Variants in PYGO1 observed in about 807,000 individuals in gnomAD.
The protein encoded by PYGO1 is pygopus homolog 1.
In PYGO1, 6 loss-of-function variants were observed where a neutral mutation model predicts 29.5. That is an observed-to-expected ratio of 0.20 (90% confidence interval 0.11 to 0.40). The LOEUF (loss-of-function observed/expected upper bound fraction) is 0.40. Ranked by LOEUF, PYGO1 falls within the 10% of genes least tolerant of loss-of-function variation. The pLI, the probability that PYGO1 is intolerant of heterozygous loss-of-function variation, is 1.00. For missense variants in PYGO1, 515 were observed against 514.9 expected (o/e 1.00, Z 0.00); for synonymous variants, 186 against 180.5 (o/e 1.03, Z -0.24).
chr15:55,582,921 C>T lies in PYGO1; in HGVS notation c.49+4914G>A, dbSNP rs564090030. Among the ~76,000 whole-genome samples the T allele has an allele frequency of 7.9e-5, 12 of 152,222 alleles. 1 individual carries two copies. In the South Asian group the frequency reaches 2.3e-3, roughly 29 times the overall value. Reference sequence around the variant, plus strand: ...TCCAAATCCTCTATATTCATCCCATCGAGACAGTCTATATTTTCTTGTAAA... The same window carrying T: ...TCCAAATCCTCTATATTCATCCCATTGAGACAGTCTATATTTTCTTGTAAA... On this transcript the variant is annotated intron_variant, in intron 1 of 2. Transcript: ENST00000563719.
rs573785718 is a variant in PYGO1 at position 55,575,735 on chromosome 15, A to T, written c.49+12100T>A. The stretch of plus-strand genomic sequence containing the variant: ...AGTTTGTAGTATTTCCAACACTTGC[A>T]GAAACAGACTTCTGCACTCCTCAGA... On this transcript the variant is annotated intron_variant, in intron 1 of 2. Coordinates refer to ENST00000563719, the MANE Select transcript of PYGO1 (RefSeq NM_001367806.1). Among the ~76,000 whole-genome samples the T allele has an allele frequency of 2.0e-4, 31 of 152,312 alleles. 1 individual carries two copies. In the South Asian group the frequency reaches 6.4e-3, roughly 32 times the overall value.
rs573328672 is a variant in PYGO1 at position 55,585,830 on chromosome 15, G to A, written c.49+2005C>T. Among the ~76,000 whole-genome samples the A allele has an allele frequency of 5.3e-5, 8 of 152,232 alleles. No homozygotes were observed. The South Asian group carries it at 1.7e-3, about 32-fold the overall frequency. Reference sequence around the variant, plus strand: ...TTTAACCCCAAAACAATTTATAATAGTAGGCAAAATTATACAGCACAAATA... The same window carrying A: ...TTTAACCCCAAAACAATTTATAATAATAGGCAAAATTATACAGCACAAATA... On this transcript the variant is annotated intron_variant, in intron 1 of 2. Coordinates refer to ENST00000563719, the MANE Select transcript of PYGO1 (RefSeq NM_001367806.1).
At chr15:55,566,921 G>C (rs987099853) in intron 1 of PYGO1, among the ~76,000 whole-genome samples, 1 of 152,184 alleles carries the variant, frequency 6.6e-6, no homozygotes, top group East Asian at 1.9e-4. Flanking sequence ...GAGTAGAGAA[G>C]GGGTTTTGCC....
rs756985643 is a variant in PYGO1 at position 55,547,112 on chromosome 15, T to C, written c.171A>G (p.Pro57=). Residue 57 remains proline (P), a synonymous_variant, in exon 3 of 3, where the codon CCA becomes CCG. Transcript: ENST00000563719. ...GATGGTCAGAGTTTGGATTCGGTGG[T>C]GGAGCATACTCAGACAATGGAGGGA... is the stretch of plus-strand genomic sequence containing the variant. ...PSFPPLSEYA[P]PPNPNSDHLV... The C allele has an allele frequency of 1.9e-6, 3 of 1,609,672 alleles. No individual in the cohort carries two copies. In the Admixed American group the frequency reaches 5.0e-5, roughly 27 times the overall value.
Position 55,541,396 on chromosome 15 carries a change from GAA to G in PYGO1, c.*4625_*4626del, listed in dbSNP as rs2058827536. The G allele has an allele frequency of 6.6e-6, 1 of 152,172 alleles. No homozygotes were observed. Among genetic ancestry groups the G allele is most frequent in the African/African-American group, 2.4e-5 (1 of 41,442 alleles). The allele number at this position is 152,172 out of a possible 1,614,324, so 9.4% of individuals were successfully genotyped here. On this transcript the variant is annotated 3_prime_UTR_variant, in exon 3 of 3. Coordinates refer to ENST00000563719, the MANE Select transcript of PYGO1 (RefSeq NM_001367806.1). ...TCAGAATTAGAGGAGAGGAAGCTGT[GAA>G]AAGTCACAACAGCCTAAAGGAAACT...
rs574437265 is a variant in PYGO1, at chr15:55,565,625, G to C, written c.50-16630C>G. Among the ~76,000 whole-genome samples, 3 of 152,074 alleles carry C rather than the reference G, an allele frequency of 2.0e-5. No homozygotes were observed. In the South Asian group the frequency reaches 6.2e-4, roughly 32 times the overall value. Reference sequence around the variant, plus strand: ...AGCTACTCAGGAGGGTGAGGCATGAGAATCGCTTGAACCCGGGAGGCGGTG... The same window carrying C: ...AGCTACTCAGGAGGGTGAGGCATGACAATCGCTTGAACCCGGGAGGCGGTG... On this transcript the variant is annotated intron_variant, in intron 1 of 2. Coordinates refer to ENST00000563719, the MANE Select transcript of PYGO1 (RefSeq NM_001367806.1).
At chr15:55,549,186 T>G (rs1468120778) in intron 1 of PYGO1, among the ~76,000 whole-genome samples, 191 bp from the exon 2 acceptor site, 1 of 152,164 alleles carries the variant, frequency 6.6e-6, no homozygotes, top group East Asian at 1.9e-4. Flanking sequence ...CATTCATCCC[T>G]GCTCCCATAT....
At chr15:55,568,850 T>C (rs2058968541) in intron 1 of PYGO1, among the ~76,000 whole-genome samples, 1 of 152,230 alleles carries the variant, frequency 6.6e-6, no homozygotes, top group Admixed American at 6.5e-5. Flanking sequence ...AAGATGATTA[T>C]ATGATTTTTA....
At chr15:55,576,952 G>C (rs1351588375) in intron 1 of PYGO1, among the ~76,000 whole-genome samples, 2 of 151,616 alleles carry the variant, frequency 1.3e-5, no homozygotes, top group Non-Finnish European at 2.9e-5. Context: ...TGAGAACTAC[G>C]TAGCTAGGCA....
At chr15:55,551,861 A>G (rs2058880206) in intron 1 of PYGO1, among the ~76,000 whole-genome samples, 1 of 152,192 alleles carries the variant, frequency 6.6e-6, no homozygotes, top group Non-Finnish European at 1.5e-5. Flanking sequence ...AAACAAATGC[A>G]GCAGAATATT....
At chr15:55,553,436 G>A (rs1245637349) in intron 1 of PYGO1, among the ~76,000 whole-genome samples, 1 of 150,002 alleles carries the variant, frequency 6.7e-6, no homozygotes, top group Non-Finnish European at 1.5e-5. Context: ...TCGCTCTGTT[G>A]CCAGGCTGGA....
At chr15:55,559,787 C>G (rs2058924944) in intron 1 of PYGO1, among the ~76,000 whole-genome samples, 1 of 152,136 alleles carries the variant, frequency 6.6e-6, no homozygotes, top group South Asian at 2.1e-4. Context: ...TAAAAACCCT[C>G]AATAAAATAC....
intron 1 of PYGO1, among the ~76,000 whole-genome samples, chr15:55,577,006 T>TAAAA (rs5812805): frequency 2.0e-5 from 3 of 148,500 alleles, no homozygotes; most frequent in East Asian, 2.0e-4. Flanking sequence ...GCAACAAAGA[T>TAAAA]AAAAAAAAAA....
At chr15:55,563,086 T>C (rs1446128956) in intron 1 of PYGO1, among the ~76,000 whole-genome samples, 1 of 151,556 alleles carries the variant, frequency 6.6e-6, no homozygotes, top group African/African-American at 2.4e-5. Context: ...AAAACATAAA[T>C]TGCACTTCAT....
chr15:55,565,685 A>G (rs532687855), intron 1 of PYGO1, among the ~76,000 whole-genome samples: 9 of 152,278 alleles, frequency 5.9e-5, no homozygotes, highest in African/African-American at 1.9e-4. Context: ...ACTGCGCCCC[A>G]GCCTGGTGAC....
At chr15:55,558,298 T>G (rs1231136720) in intron 1 of PYGO1, among the ~76,000 whole-genome samples, 5 of 55,716 alleles carry the variant, frequency 9.0e-5, no homozygotes, top group Admixed American at 2.5e-4. Flanking sequence ...ACAAGGGATG[T>G]GAAGGACCTC....
At chr15:55,573,417 A>C (rs2058988398) in intron 1 of PYGO1, among the ~76,000 whole-genome samples, 1 of 152,204 alleles carries the variant, frequency 6.6e-6, no homozygotes, top group Non-Finnish European at 1.5e-5. Flanking sequence ...ACAGCCATTA[A>C]AGAGAAGCCT....
chr15:55,583,604 C>T (rs562312429), intron 1 of PYGO1, among the ~76,000 whole-genome samples: 1 of 152,204 alleles, frequency 6.6e-6, no homozygotes, highest in African/African-American at 2.4e-5. Context: ...GCAGCCTCGA[C>T]CTCCTGGGCT....
chr15:55,546,754 T>C lies in PYGO1; in HGVS notation c.529A>G (p.Arg177Gly). 3 of 1,614,146 alleles carry C rather than the reference T, an allele frequency of 1.9e-6. No homozygotes were observed. The highest frequency in any genetic ancestry group is 2.5e-6 in the Non-Finnish European group (3 of 1,179,984). Reference sequence around the variant, plus strand: ...CTGAAATTTTCAGCAGGATTTTGTCTAAAATGTTGATTAGGCATGTTGACA... The same window carrying C: ...CTGAAATTTTCAGCAGGATTTTGTCCAAAATGTTGATTAGGCATGTTGACA... ...QNVNMPNQHF[R>G]QNPAENFSQI... The change falls in exon 3 of 3, where the codon AGA (arginine) becomes GGA (glycine). Residue 177 changes from arginine to glycine, a missense_variant. Arg to Gly is a moderately radical substitution (Grantham distance 125). Coordinates refer to ENST00000563719, the MANE Select transcript of PYGO1 (RefSeq NM_001367806.1).
Sources: gnomAD v4.1 joint callset for allele counts (sites outside exome capture counted in the v4.1 genomes callset) on GRCh38, gnomAD v4.1.1 for gene constraint, MANE v1.5 for transcripts, NCBI Gene and HGNC (gene_info 2026-07-23, HGNC 2026-07-21) for gene names.